The following DNAI7 variants were observed in gnomAD, a reference collection of about 807,000 sequenced individuals.
The protein encoded by DNAI7 is cancer susceptibility 1.
A neutral mutation model predicts 86.6 loss-of-function variants in DNAI7; 78 were observed. The observed-to-expected ratio is 0.90, with a 90% CI of 0.75 to 1.09. The LOEUF (loss-of-function observed/expected upper bound fraction) is 1.09, where lower values mean the gene tolerates loss of function less well. Ranked by LOEUF, DNAI7 falls within the 50% of genes least tolerant of loss-of-function variation. DNAI7 has a pLI of 0.00. For missense variants in DNAI7, 753 were observed against 810.2 expected (o/e 0.93, Z 0.86); for synonymous variants, 274 against 273.0 (o/e 1.00, Z -0.04).
intron 9 of DNAI7, among the ~76,000 whole-genome samples, chr12:25,127,533 T>G (rs1942316999): frequency 6.6e-6 from 1 of 152,180 alleles, no homozygotes; most frequent in South Asian, 2.1e-4. Flanking sequence ...ATAGACACAA[T>G]AGATTTAAAG....
intron 2 of DNAI7, among the ~76,000 whole-genome samples, chr12:25,170,756 A>T (rs1948051560): frequency 6.6e-6 from 1 of 152,230 alleles, no homozygotes; most frequent in African/African-American, 2.4e-5. Context: ...TACATTTAAG[A>T]AAATTGAAAT....
chr12:25,124,839 T>C (rs997874844), intron 9 of DNAI7, among the ~76,000 whole-genome samples: 1 of 152,182 alleles, frequency 6.6e-6, no homozygotes, highest in Admixed American at 6.6e-5. Flanking sequence ...GTTCTCATCA[T>C]TTAGCTCCCA....
At chr12:25,119,708 A>T (rs1940891045) in intron 11 of DNAI7, among the ~76,000 whole-genome samples, 1 of 152,232 alleles carries the variant, frequency 6.6e-6, no homozygotes, top group African/African-American at 2.4e-5. Flanking sequence ...TACCATGCTA[A>T]GGGTGTGTAG....
intron 2 of DNAI7, among the ~76,000 whole-genome samples, chr12:25,174,753 T>C (rs1011963004): frequency 2.7e-5 from 4 of 145,970 alleles, no homozygotes; most frequent in Admixed American, 7.0e-5. Context: ...ATATATCATA[T>C]ATATATATGA....
intron 9 of DNAI7, among the ~76,000 whole-genome samples, chr12:25,131,161 C>T (rs1481713538): frequency 5.4e-4 from 2 of 3,726 alleles, no homozygotes. Flanking sequence ...AGTTTACCCC[C>T]AACCAAAAAA....
chr12:25,161,705 G>C (rs1005457949), intron 2 of DNAI7, among the ~76,000 whole-genome samples: 1 of 152,150 alleles, frequency 6.6e-6, no homozygotes, highest in African/African-American at 2.4e-5. Context: ...GTGCTCAAAT[G>C]ATTTTTACCA....
At chr12:25,146,240 A>G (rs1944814781) in intron 8 of DNAI7, among the ~76,000 whole-genome samples, 1 of 146,194 alleles carries the variant, frequency 6.8e-6, no homozygotes, top group Non-Finnish European at 1.5e-5. Context: ...AAAAGAAAAG[A>G]AAACCTATTA....
intron 2 of DNAI7, among the ~76,000 whole-genome samples, chr12:25,169,907 A>G (rs970288166): frequency 3.9e-5 from 6 of 152,160 alleles, no homozygotes; most frequent in African/African-American, 1.4e-4. Flanking sequence ...GAACTCCCCA[A>G]TCAACTATCT....
intron 6 of DNAI7, among the ~76,000 whole-genome samples, chr12:25,151,965 A>G (rs1237480602): frequency 6.6e-6 from 1 of 152,218 alleles, no homozygotes; most frequent in African/African-American, 2.4e-5. Context: ...AACTGTGAGG[A>G]AGTGGACCAA....
intron 9 of DNAI7, among the ~76,000 whole-genome samples, chr12:25,134,754 C>T (rs1469286295): frequency 1.3e-5 from 2 of 152,028 alleles, no homozygotes; most frequent in Non-Finnish European, 2.9e-5. Flanking sequence ...TACATAATAA[C>T]AAAAACTGGA....
chr12:25,191,926 A>G (rs74073333), intron 1 of DNAI7, among the ~76,000 whole-genome samples: 6,361 of 152,314 alleles, frequency 0.042, 440 homozygotes, highest in African/African-American at 0.14. Flanking sequence ...TCATGTGAAC[A>G]TAAGACACTT....
chr12:25,157,444 G>A (rs1946320854), intron 4 of DNAI7, among the ~76,000 whole-genome samples: 1 of 151,902 alleles, frequency 6.6e-6, no homozygotes, highest in African/African-American at 2.4e-5. Context: ...ATGGAATACT[G>A]AAATAGATAT....
chr12:25,141,023 A>C (rs2140796120), intron 9 of DNAI7, among the ~76,000 whole-genome samples: 1 of 152,338 alleles, frequency 6.6e-6, no homozygotes, highest in Non-Finnish European at 1.5e-5. Flanking sequence ...AGAAGAATGA[A>C]ACTGAATCCT....
chr12:25,174,758 A>G (rs891194736), intron 2 of DNAI7, among the ~76,000 whole-genome samples: 1 of 146,656 alleles, frequency 6.8e-6, no homozygotes, highest in Admixed American at 7.0e-5. Flanking sequence ...TCATATATAT[A>G]TATGATGGAA....
chr12:25,158,025 G>C (rs571360882), intron 4 of DNAI7, among the ~76,000 whole-genome samples: 3 of 152,112 alleles, frequency 2.0e-5, no homozygotes, highest in South Asian at 2.1e-4. Flanking sequence ...GTCAGGAGAT[G>C]GAGACCATCC....
intron 15 of DNAI7, among the ~76,000 whole-genome samples, chr12:25,109,771 C>G (rs542537467): frequency 6.6e-6 from 1 of 152,260 alleles, no homozygotes; most frequent in Admixed American, 6.5e-5. Context: ...CTCCACCTCT[C>G]AGGTTCAAGC....
chr12:25,112,249 T>G (rs1565616060), intron 13 of DNAI7, among the ~76,000 whole-genome samples: 1 of 152,158 alleles, frequency 6.6e-6, no homozygotes, highest in African/African-American at 2.4e-5. Context: ...CACACTGAAT[T>G]AAAATAGTTA....
At chr12:25,164,116 CT>C (rs1393931822) in intron 2 of DNAI7, among the ~76,000 whole-genome samples, 1 of 152,088 alleles carries the variant, frequency 6.6e-6, no homozygotes, top group African/African-American at 2.4e-5. Context: ...CCCCCAACCC[CT>C]TCTCTCCGTG....
chr12:25,154,247 T>C, intron 6 of DNAI7, 72 bp downstream of exon 6: 3 of 1,272,688 alleles, frequency 2.4e-6, no homozygotes, highest in Non-Finnish European at 3.2e-6. Flanking sequence ...AAATGATATA[T>C]TAATTTTTAT....
Sources: allele counts gnomAD v4.1 joint callset (sites outside exome capture counted in the v4.1 genomes callset), GRCh38; gene constraint gnomAD v4.1.1; transcripts MANE v1.5; gene names NCBI Gene and HGNC (gene_info 2026-07-23, HGNC 2026-07-21).